SLC5A11: variants seen among roughly 807,000 people sequenced by gnomAD.
SLC5A11 encodes the protein sodium/myo-inositol cotransporter 2.
SLC5A11 carries 48 observed loss-of-function variants against 69.8 expected under a neutral mutation model. The observed-to-expected ratio is 0.69, with a 90% CI of 0.55 to 0.87. The LOEUF is 0.87. Among genes scored for constraint, SLC5A11 ranks in the 40% least tolerant of loss-of-function variants. SLC5A11 has a pLI of 0.00. For synonymous variants in SLC5A11, 319 were observed against 342.4 expected, an observed-to-expected ratio of 0.93 and a Z score of 0.75; for missense variants, 784 against 866.1, an observed-to-expected ratio of 0.91 and a Z score of 1.19.
chr16:24,869,148 G>T (rs559480115), intron 3 of SLC5A11, among the ~76,000 whole-genome samples: 2 of 151,996 alleles, frequency 1.3e-5, no homozygotes, highest in African/African-American at 4.8e-5. Context: ...GATTACAAAC[G>T]TGAGCCAGAG....
intron 9 of SLC5A11, 99 bp from the exon 11 acceptor site, chr16:24,897,875 T>G: frequency 6.8e-7 from 1 of 1,476,748 alleles, no homozygotes; most frequent in Non-Finnish European, 9.2e-7. Context: ...CCACAACATG[T>G]GGGAATTATG....
chr16:24,856,597 CAAAAA>C (rs35867622), intron 1 of SLC5A11, among the ~76,000 whole-genome samples: 1,220 of 88,836 alleles, frequency 0.014, 13 homozygotes, highest in African/African-American at 0.029. Context: ...ACTAAAAATA[CAAAAA>C]AAAAAAAAAA....
chr16:24,851,255 G>C (rs1483192907), intron 1 of SLC5A11, among the ~76,000 whole-genome samples: 10 of 151,022 alleles, frequency 6.6e-5, no homozygotes, highest in Non-Finnish European at 1.3e-4. Flanking sequence ...GCTCACGCCT[G>C]TAATCCCAGC....
intron 9 of SLC5A11, among the ~76,000 whole-genome samples, chr16:24,894,057 A>G (rs1300107911): frequency 6.6e-6 from 1 of 152,214 alleles, no homozygotes; most frequent in Non-Finnish European, 1.5e-5. Flanking sequence ...TAGACACCTG[A>G]AAAGCAAGCA....
chr16:24,878,388 G>C (rs1192580974), intron 7 of SLC5A11, among the ~76,000 whole-genome samples: 5 of 152,152 alleles, frequency 3.3e-5, no homozygotes, highest in Admixed American at 3.3e-4. Context: ...CACGCAGTAG[G>C]GCCTTGAGAA....
chr16:24,862,761 C>G, intron 3 of SLC5A11, 89 bp downstream of exon 4: 1 of 1,194,486 alleles, frequency 8.4e-7, no homozygotes. Context: ...TCAGGACTCT[C>G]TGGTCTCATG....
intron 1 of SLC5A11, among the ~76,000 whole-genome samples, chr16:24,849,256 C>T (rs1035438067): frequency 1.3e-5 from 2 of 152,152 alleles, no homozygotes; most frequent in East Asian, 1.9e-4. Context: ...CACGTGTGAA[C>T]TTTCAGACAT....
intron 7 of SLC5A11, among the ~76,000 whole-genome samples, chr16:24,882,349 C>T (rs1597149445): frequency 6.6e-6 from 1 of 152,174 alleles, no homozygotes; most frequent in Admixed American, 6.5e-5. Flanking sequence ...GGCTGACTCA[C>T]TGCATGCGTG....
chr16:24,877,295 C>T (rs945913374), exon 7 of SLC5A11: 2 of 1,613,990 alleles, frequency 1.2e-6, no homozygotes, highest in Non-Finnish European at 8.5e-7. Flanking sequence ...ATCCAGCAGT[C>T]TTTGCACCTG....
At chr16:24,853,129 G>T (rs1201702526) in intron 1 of SLC5A11, among the ~76,000 whole-genome samples, 1 of 151,396 alleles carries the variant, frequency 6.6e-6, no homozygotes, top group Non-Finnish European at 1.5e-5. Context: ...GAGTCCCCAG[G>T]GTCTAGCACA....
intron 1 of SLC5A11, among the ~76,000 whole-genome samples, chr16:24,853,640 A>C (rs1285257566): frequency 1.3e-5 from 2 of 152,194 alleles, no homozygotes; most frequent in Non-Finnish European, 2.9e-5. Context: ...GCCACCTCCA[A>C]ACCTGGGTTG....
chr16:24,896,083 G>A (rs1346388213), intron 9 of SLC5A11, among the ~76,000 whole-genome samples: 1 of 151,018 alleles, frequency 6.6e-6, no homozygotes, highest in Non-Finnish European at 1.5e-5. Context: ...TCTGGGCGTG[G>A]TGGCTCACGC....
At chr16:24,890,601 G>T (rs2343623) in intron 8 of SLC5A11, among the ~76,000 whole-genome samples, 58,720 of 150,962 alleles carry the variant, frequency 0.39, 12,720 homozygotes, top group Non-Finnish European at 0.49. Context: ...TGTGACGGAG[G>T]TTTCATGGGT....
intron 10 of SLC5A11, among the ~76,000 whole-genome samples, chr16:24,905,652 A>G (rs866902186): frequency 0.051 from 7,704 of 149,600 alleles, 274 homozygotes; most frequent in Middle Eastern, 0.096. Context: ...ACACACACAC[A>G]CACACACACA....
chr16:24,908,570 C>A (rs1390341127), intron 13 of SLC5A11, among the ~76,000 whole-genome samples: 1 of 129,698 alleles, frequency 7.7e-6, no homozygotes, highest in African/African-American at 3.1e-5. Context: ...TGCACTCCAG[C>A]CTGGGCGACA....
chr16:24,906,856 G>A, intron 11 of SLC5A11, 92 bp downstream of exon 12: 1 of 1,404,540 alleles, frequency 7.1e-7, no homozygotes, highest in Non-Finnish European at 9.8e-7. Context: ...GTCAAGAAAG[G>A]AGGGCTGGTG....
chr16:24,855,195 G>A (rs1455521388), intron 1 of SLC5A11, among the ~76,000 whole-genome samples: 1 of 152,030 alleles, frequency 6.6e-6, no homozygotes, highest in East Asian at 1.9e-4. Flanking sequence ...TCTGTCCCCA[G>A]ATTCCTACAT....
rs938572697 is a variant in SLC5A11 at position 24,900,834 on chromosome 16, C to A, written c.1006+2725C>A. ...TTGGGAAACTGAGGCAGGAGAATTG[C>A]TTGAGCCCAGGAGGTTGAGGCTGCA... On this transcript the variant is annotated intron_variant, in intron 10 of 15. Coordinates refer to ENST00000347898, the Ensembl canonical transcript of SLC5A11. Among the ~76,000 whole-genome samples, 5 of 150,948 alleles carry A rather than the reference C, an allele frequency of 3.3e-5. No homozygotes were observed. The Admixed American group carries it at 3.3e-4, about 10-fold the overall frequency.
intron 7 of SLC5A11, among the ~76,000 whole-genome samples, chr16:24,883,526 C>A (rs887358080): frequency 6.6e-6 from 1 of 152,174 alleles, no homozygotes; most frequent in African/African-American, 2.4e-5. Flanking sequence ...CCCCACAAGT[C>A]CATGGGTTCC....
Sources: allele counts gnomAD v4.1 joint callset (sites outside exome capture counted in the v4.1 genomes callset), GRCh38; gene constraint gnomAD v4.1.1; transcripts MANE v1.5; gene names NCBI Gene and HGNC (gene_info 2026-07-23, HGNC 2026-07-21).